The following BMPR2 variants were observed in gnomAD, a reference collection of about 807,000 sequenced individuals.
BMPR2 encodes bone morphogenetic protein receptor type 2.
In BMPR2, 29 loss-of-function variants were observed where a neutral mutation model predicts 100.8. The observed-to-expected ratio is 0.29, with a 90% CI of 0.21 to 0.39. BMPR2 has a LOEUF of 0.39. BMPR2 is among the 10% of genes least tolerant of loss of function. The probability of loss-of-function intolerance (pLI) is 1.00; values close to 1 mark genes in which losing one functional copy is unlikely to be tolerated. For synonymous variants in BMPR2, 382 were observed against 442.3 expected (o/e 0.86, Z 1.71); for missense variants, 1,011 against 1,274.5 (o/e 0.79, Z 3.15).
chr2:202,548,101 G>A (rs1269778027), intron 10 of BMPR2, among the ~76,000 whole-genome samples: 1 of 151,224 alleles, frequency 6.6e-6, no homozygotes, highest in African/African-American at 2.4e-5. Flanking sequence ...AAAAAATGCG[G>A]CAACTCTTCC....
rs1166727876 is a variant in BMPR2, at chr2:202,513,687, A to AAAATGAC, written c.419-30_419-24dup. The AAAATGAC allele has an allele frequency of 1.9e-6, 3 of 1,550,146 alleles. No homozygotes were observed. In the Admixed American group the frequency reaches 5.0e-5, roughly 26 times the overall value. ...ATTTAACAAAATACTTTTTTAAAAAAAAATGACATTTCAAAATTTGTTTTC... is the reference window on the plus strand; with the variant it reads ...ATTTAACAAAATACTTTTTTAAAAAAAAATGACAAATGACATTTCAAAATTTGTTTTC... On this transcript the variant is annotated intron_variant, in intron 3 of 12. Transcript: ENST00000374580.
chr2:202,389,199 T>G (rs1690495329), intron 1 of BMPR2, among the ~76,000 whole-genome samples: 1 of 151,846 alleles, frequency 6.6e-6, no homozygotes, highest in Non-Finnish European at 1.5e-5. Flanking sequence ...CACTTCAGCT[T>G]GGGTGACAGG....
intron 1 of BMPR2, among the ~76,000 whole-genome samples, chr2:202,450,248 G>A (rs1044219790): frequency 6.6e-6 from 1 of 152,100 alleles, no homozygotes; most frequent in African/African-American, 2.4e-5. Flanking sequence ...ACCTTATGAA[G>A]ATTTTGATCT....
chr2:202,496,933 G>T (rs1693043385), intron 3 of BMPR2, among the ~76,000 whole-genome samples: 1 of 152,348 alleles, frequency 6.6e-6, no homozygotes, highest in Admixed American at 6.5e-5. Context: ...CAGGAACCAG[G>T]GCTGCGTGCC....
rs1229251276 is a variant in BMPR2 at position 202,495,553 on chromosome 2, A to G, written c.419-18166A>G. Among the ~76,000 whole-genome samples the G allele has an allele frequency of 6.6e-6, 1 of 152,018 alleles. No homozygotes were observed. Among genetic ancestry groups the G allele is most frequent in the Non-Finnish European group, 1.5e-5 (1 of 68,014 alleles). On this transcript the variant is annotated intron_variant, in intron 3 of 12. Transcript: ENST00000374580. The surrounding 1 kb of genome is among the most constrained non-coding windows in gnomAD (Gnocchi z 4.5). ...GTTTTTATAGGCCCAGGATGGGGAC[A>G]TGGCGGGTCCGGGTGGTCTTGGAAA...
In BMPR2 at chr2:202,555,983, T is replaced by G. The variant is rs1359450313; in HGVS notation, c.2318T>G (p.Phe773Cys). ...TCAACAAAAGAGCCCCGGCTAAAATTTGGCAGCAAGCACAAATCAAACTTG... is the reference window on the plus strand; with the variant it reads ...TCAACAAAAGAGCCCCGGCTAAAATGTGGCAGCAAGCACAAATCAAACTTG... ...KNSTKEPRLK[F>C]GSKHKSNLKQ... Residue 773 changes from phenylalanine (F) to cysteine (C), a missense_variant, in exon 12 of 13, where the codon TTT becomes TGT. Phe to Cys is a radical substitution (Grantham distance 205). Transcript: ENST00000374580. 6.2e-7 allele frequency: 1 copy of G among 1,614,048 alleles called. No individual in the cohort carries two copies.
intron 1 of BMPR2, among the ~76,000 whole-genome samples, chr2:202,422,717 C>T (rs1691293472): frequency 6.6e-6 from 1 of 152,124 alleles, no homozygotes; most frequent in Non-Finnish European, 1.5e-5. Flanking sequence ...CCCTCTGTCT[C>T]CTAGGCTGGA....
chr2:202,467,792 C>T, intron 3 of BMPR2, 103 bp downstream of exon 3: 2 of 1,213,204 alleles, frequency 1.6e-6, no homozygotes, highest in South Asian at 1.3e-5. Flanking sequence ...GGCGTGATGG[C>T]TCATGCCTGT....
chr2:202,418,824 T>G (rs1470240517), intron 1 of BMPR2, among the ~76,000 whole-genome samples: 1 of 152,164 alleles, frequency 6.6e-6, no homozygotes, highest in East Asian at 1.9e-4. Flanking sequence ...GGTGCCAGAC[T>G]GTTAGTGGAT....
At chr2:202,489,679 A>G (rs563288572) in intron 3 of BMPR2, among the ~76,000 whole-genome samples, 3 of 152,306 alleles carry the variant, frequency 2.0e-5, no homozygotes, top group Admixed American at 6.5e-5. Context: ...AGTGTTAAAA[A>G]TTCATTTTAT....
At chr2:202,381,658 A>G (rs916292391) in intron 1 of BMPR2, among the ~76,000 whole-genome samples, 1 of 152,226 alleles carries the variant, frequency 6.6e-6, no homozygotes, top group African/African-American at 2.4e-5. Flanking sequence ...AGTAGACCAC[A>G]TATAACCAGT....
intron 9 of BMPR2, 91 bp from the exon 10 acceptor site, chr2:202,542,220 T>G: frequency 1.4e-6 from 2 of 1,462,638 alleles, no homozygotes. Context: ...ACAATTTTTT[T>G]TGCTTACTTG....
In BMPR2 at chr2:202,518,153, T is replaced by TA. The variant is rs1401965052; in HGVS notation, c.622-667dup. 9.9e-5 allele frequency among the ~76,000 whole-genome samples: 12 copies of TA among 120,728 alleles called. 1 individual carries two copies. Among genetic ancestry groups the TA allele is most frequent in the African/African-American group, 3.4e-4 (11 of 32,208 alleles). The allele number at this position is 120,728 out of a possible 152,430, so 79.2% of individuals were successfully genotyped here. A position where few individuals can be genotyped will look rare whatever the true frequency, so the allele number is the denominator to read the frequency against. On this transcript the variant is annotated intron_variant, in intron 5 of 12. Coordinates refer to ENST00000374580, the MANE Select transcript of BMPR2 (RefSeq NM_001204.7). ...TTTTTTTTTTTTTTTTTTTTTTTTTTAATTGAGACAGTCTTGCTCTTTCGC... is the reference window on the plus strand; with the variant it reads ...TTTTTTTTTTTTTTTTTTTTTTTTTTAAATTGAGACAGTCTTGCTCTTTCGC...
At chr2:202,526,374 G>A (rs895546680) in intron 7 of BMPR2, among the ~76,000 whole-genome samples, 18 of 152,130 alleles carry the variant, frequency 1.2e-4, no homozygotes, top group African/African-American at 3.9e-4. Context: ...TAATATATCA[G>A]TTTTCTTAGA....
Position 202,388,567 on chromosome 2 carries a change from G to A in BMPR2, c.76+11017G>A, listed in dbSNP as rs142937898. On this transcript the variant is annotated intron_variant, in intron 1 of 12. Transcript: ENST00000374580. ...TGGGAGGCCGAAGCGGGCAGATCAC[G>A]AGGTCAGGATATCGAGACTAGCCTG... Among the ~76,000 whole-genome samples, 65 of 151,846 alleles carry A rather than the reference G, an allele frequency of 4.3e-4. 1 individual carries two copies. Among genetic ancestry groups the A allele is most frequent in the Admixed American group, 7.9e-4 (12 of 15,230 alleles).
chr2:202,512,671 T>A (rs541538468), intron 3 of BMPR2, among the ~76,000 whole-genome samples: 8 of 152,232 alleles, frequency 5.3e-5, no homozygotes, highest in Non-Finnish European at 1.0e-4. Context: ...CTAGATGCGA[T>A]CTGACCCACA....
intron 1 of BMPR2, among the ~76,000 whole-genome samples, chr2:202,462,202 G>A (rs1293493309): frequency 6.6e-6 from 1 of 151,208 alleles, no homozygotes; most frequent in African/African-American, 2.4e-5. Flanking sequence ...TCCCTTGCAT[G>A]CAGTCCTGCC....
At chr2:202,434,808 G>A (rs1172181606) in intron 1 of BMPR2, among the ~76,000 whole-genome samples, 6 of 124,324 alleles carry the variant, frequency 4.8e-5, no homozygotes, top group Admixed American at 2.9e-4. Flanking sequence ...ATTTTTTGTA[G>A]AGATGAGATC....
At chr2:202,488,369 T>C (rs1274491333) in intron 3 of BMPR2, among the ~76,000 whole-genome samples, 1 of 151,616 alleles carries the variant, frequency 6.6e-6, no homozygotes, top group African/African-American at 2.4e-5. Flanking sequence ...ATTCTTAATA[T>C]TTTAAAAATA....
Sources: gnomAD v4.1 joint callset for allele counts (sites outside exome capture counted in the v4.1 genomes callset) on GRCh38, gnomAD v4.1.1 for gene constraint, Gnocchi (gnomAD v3.1) non-coding constraint, MANE v1.5 for transcripts, NCBI Gene and HGNC (gene_info 2026-07-23, HGNC 2026-07-21) for gene names.